The following TRAPPC9 variants were observed in gnomAD, a reference collection of about 807,000 sequenced individuals.
TRAPPC9 encodes trafficking protein particle complex subunit 9.
Under a neutral mutation model 124.0 loss-of-function variants are expected in TRAPPC9, and 83 were observed. That is an observed-to-expected ratio of 0.67 (90% CI 0.56 to 0.80). The LOEUF (loss-of-function observed/expected upper bound fraction) is 0.80, where lower values mean the gene tolerates loss of function less well. Ranked by LOEUF, TRAPPC9 falls within the 30% of genes least tolerant of loss-of-function variation. The pLI, the probability that TRAPPC9 is intolerant of heterozygous loss-of-function variation, is 0.00. For missense variants in TRAPPC9, 1,302 were observed against 1,508.3 expected (o/e 0.86, Z 2.27); for synonymous variants, 638 against 617.5 (o/e 1.03, Z -0.49).
intron 18 of TRAPPC9, among the ~76,000 whole-genome samples, chr8:139,996,673 G>A (rs1294460209): frequency 6.6e-6 from 1 of 152,134 alleles, no homozygotes; most frequent in African/African-American, 2.4e-5. Context: ...AAAAGAATTG[G>A]CAAATGACAT....
chr8:140,106,174 G>A (rs549338672), intron 17 of TRAPPC9, among the ~76,000 whole-genome samples: 1 of 152,138 alleles, frequency 6.6e-6, no homozygotes, highest in South Asian at 2.1e-4. Flanking sequence ...AAGCCTCTCC[G>A]CCTGCTTCCT....
chr8:139,885,934 T>C lies in TRAPPC9; in HGVS notation c.3000A>G (p.Glu1000=). 1.3e-6 allele frequency: 2 copies of C among 1,574,178 alleles called. No individual in the cohort carries two copies. The highest frequency in any genetic ancestry group is 1.7e-6 in the Non-Finnish European group (2 of 1,158,970). ...SLKRSGEASV[E]GLLNQLVLEH... is the part of the protein sequence containing the mutation. ...CCAGGACGAGCTGGTTCAGGAGTCC[T>C]TCCACACTCGCCTCGCCACTGCGCT... is the stretch of plus-strand genomic sequence containing the variant. The change falls in exon 21 of 23, where the codon GAA becomes GAG. Residue 1000 remains glutamate, a synonymous_variant. Coordinates refer to ENST00000438773, the MANE Select transcript of TRAPPC9 (RefSeq NM_001160372.4).
intron 7 of TRAPPC9, among the ~76,000 whole-genome samples, chr8:140,382,857 C>T (rs1330837796): frequency 6.6e-6 from 1 of 152,142 alleles, no homozygotes; most frequent in Non-Finnish European, 1.5e-5. Flanking sequence ...GGACAGACTA[C>T]CTCCTCAAGT....
chr8:140,221,629 T>C, intron 16 of TRAPPC9, 46 bp from the exon 17 acceptor site: 1 of 1,582,862 alleles, frequency 6.3e-7, no homozygotes, highest in East Asian at 2.3e-5. Context: ...CAGCTTGGTT[T>C]TGGGGTTTGT....
chr8:140,390,224 A>C (rs919900688), intron 7 of TRAPPC9, among the ~76,000 whole-genome samples: 50 of 152,172 alleles, frequency 3.3e-4, no homozygotes, highest in African/African-American at 1.1e-3. Context: ...AGAATCGCTT[A>C]AGCCTGGGAG....
chr8:140,342,311 T>C (rs2067218285), intron 9 of TRAPPC9, among the ~76,000 whole-genome samples: 1 of 152,212 alleles, frequency 6.6e-6, no homozygotes, highest in African/African-American at 2.4e-5. Flanking sequence ...AATTAGTATT[T>C]TCCTATAACT....
intron 22 of TRAPPC9, 40 bp from the exon 23 acceptor site, chr8:139,731,268 G>T: frequency 6.2e-7 from 1 of 1,607,978 alleles, no homozygotes; most frequent in Non-Finnish European, 8.5e-7. Context: ...CTGGTCAGCA[G>T]CAGGGGCCAC....
intron 15 of TRAPPC9, among the ~76,000 whole-genome samples, chr8:140,270,084 A>G (rs1454892504): frequency 6.6e-6 from 1 of 151,908 alleles, no homozygotes; most frequent in Non-Finnish European, 1.5e-5. Flanking sequence ...TGGGCAACAG[A>G]GCGAGACTCC....
At chr8:140,359,485 G>C (rs1461755321) in intron 9 of TRAPPC9, among the ~76,000 whole-genome samples, 1 of 152,180 alleles carries the variant, frequency 6.6e-6, no homozygotes, top group Non-Finnish European at 1.5e-5. Context: ...CTTGAAACAG[G>C]GGCAGAAACA....
intron 17 of TRAPPC9, among the ~76,000 whole-genome samples, chr8:140,115,608 A>G (rs2060866775): frequency 7.7e-6 from 1 of 130,124 alleles, no homozygotes; most frequent in Non-Finnish European, 1.7e-5. Flanking sequence ...TTTTTTCTCC[A>G]AATATTTTCA....
intron 19 of TRAPPC9, among the ~76,000 whole-genome samples, chr8:139,978,028 A>G (rs1014560049): frequency 6.6e-6 from 1 of 151,984 alleles, no homozygotes; most frequent in Non-Finnish European, 1.5e-5. Flanking sequence ...AGAAGACCGA[A>G]AAACAAGTTT....
chr8:140,400,081 C>T (rs2069216409), intron 6 of TRAPPC9, among the ~76,000 whole-genome samples: 1 of 152,194 alleles, frequency 6.6e-6, no homozygotes, highest in Admixed American at 6.5e-5. Context: ...ACTTACTCCT[C>T]CTTGCCTTCC....
rs78229002 is a variant in TRAPPC9 at position 140,227,963 on chromosome 8, C to A, written c.2432-6380G>T. 4.7e-3 allele frequency among the ~76,000 whole-genome samples: 717 copies of A among 152,278 alleles called. 3 individuals are homozygous for A. The highest frequency in any genetic ancestry group is 7.7e-3 in the Admixed American group (118 of 15,294). On this transcript the variant is annotated intron_variant, in intron 16 of 22. Transcript: ENST00000438773. The stretch of plus-strand genomic sequence containing the variant: ...CTGACCCAAGGAATACATTTCAGTC[C>A]CCACACTGAGCTTCCAGAAAAGCTC...
At chr8:140,296,394 A>G (rs1445421341) in intron 11 of TRAPPC9, among the ~76,000 whole-genome samples, 7 of 152,054 alleles carry the variant, frequency 4.6e-5, no homozygotes, top group Non-Finnish European at 4.4e-5. Context: ...CCTCCCAACT[A>G]GCTGGGACCA....
intron 17 of TRAPPC9, among the ~76,000 whole-genome samples, chr8:140,192,993 G>A (rs2062533546): frequency 6.6e-6 from 1 of 152,182 alleles, no homozygotes; most frequent in South Asian, 2.1e-4. Context: ...GGTCAGGCTG[G>A]TCTCCTGACC....
Position 139,813,071 on chromosome 8 carries a change from G to A in TRAPPC9, c.3055+72808C>T, listed in dbSNP as rs1824552371. Among the ~76,000 whole-genome samples, 4 of 152,224 alleles carry A rather than the reference G, an allele frequency of 2.6e-5. No individual in the cohort carries two copies. The South Asian group carries it at 8.3e-4, about 31-fold the overall frequency. On this transcript the variant is annotated intron_variant, in intron 21 of 22. Coordinates refer to ENST00000438773, the MANE Select transcript of TRAPPC9 (RefSeq NM_001160372.4). ...CTCAGCTCTCCTGAGCTCTACCAGG[G>A]AAGGGGTCTGAGATGCAGAGGCCGG...
chr8:139,913,539 G>A (rs370029151), intron 19 of TRAPPC9, among the ~76,000 whole-genome samples: 54 of 152,330 alleles, frequency 3.5e-4, no homozygotes, highest in African/African-American at 1.3e-3. Flanking sequence ...TGCTCATGCT[G>A]TTTGCAGAGC....
At chr8:140,165,837 C>G (rs1278621209) in intron 17 of TRAPPC9, among the ~76,000 whole-genome samples, 1 of 152,120 alleles carries the variant, frequency 6.6e-6, no homozygotes, top group East Asian at 1.9e-4. Flanking sequence ...CTCTGCCTAC[C>G]TCCCCAGAAT....
intron 19 of TRAPPC9, among the ~76,000 whole-genome samples, chr8:139,925,476 G>A (rs898546487): frequency 1.3e-5 from 2 of 152,124 alleles, no homozygotes; most frequent in East Asian, 1.9e-4. Context: ...GGCCGGGCAC[G>A]GTGGCTCACG....
Sources: gnomAD v4.1 joint callset for allele counts (sites outside exome capture counted in the v4.1 genomes callset) on GRCh38, gnomAD v4.1.1 for gene constraint, MANE v1.5 for transcripts, NCBI Gene and HGNC (gene_info 2026-07-23, HGNC 2026-07-21) for gene names.